The following ANKRD54 variants were observed in gnomAD, a reference collection of about 807,000 sequenced individuals.
The protein encoded by ANKRD54 is ankyrin repeat domain 54.
In ANKRD54, 26 loss-of-function variants were observed where a neutral mutation model predicts 36.2. That is an observed-to-expected ratio of 0.72 (90% CI 0.53 to 1.00). The LOEUF (loss-of-function observed/expected upper bound fraction) is 1.00. ANKRD54 is among the 50% of genes least tolerant of loss of function. The pLI is 0.00. For synonymous variants in ANKRD54, 209 were observed against 188.4 expected, an observed-to-expected ratio of 1.11 and a Z score of -0.89; for missense variants, 384 against 424.3, an observed-to-expected ratio of 0.91 and a Z score of 0.83.
upstream of ANKRD54, among the ~76,000 whole-genome samples, chr22:37,845,913 G>A (rs12162915): frequency 1.2e-4 from 18 of 151,594 alleles, no homozygotes; most frequent in Middle Eastern, 3.5e-3. Context: ...TGTGGCTCAC[G>A]CCTGTAATCC....
At chr22:37,839,320 T>TG in intron 2 of ANKRD54, among the ~76,000 whole-genome samples, 1 of 152,232 alleles carries the variant, frequency 6.6e-6, no homozygotes, top group African/African-American at 2.4e-5. Context: ...GATTAGTTCC[T>TG]TTGCGGACAT....
At chr22:37,834,459 C>G (rs1440604968) in intron 3 of ANKRD54, 1 of 152,002 alleles carries the variant, frequency 6.6e-6, no homozygotes, top group African/African-American at 2.4e-5. Context: ...CTTTGGGATG[C>G]CGAGGCAGGT....
upstream of ANKRD54, chr22:37,848,975 A>C (rs1924992390): frequency 4.7e-6 from 1 of 214,466 alleles, no homozygotes; most frequent in Non-Finnish European, 9.2e-6. Context: ...AGGAAAATTC[A>C]GGCTACTTGT....
chr22:37,836,212 C>A lies in ANKRD54; in HGVS notation c.475+2288G>T, dbSNP rs535006687. Reference sequence around the variant, plus strand: ...CTGTAATCCCAGCGCTATGGGAGGCCGAGGCGGGTGGATCACCTGAGGTCA... The same window carrying A: ...CTGTAATCCCAGCGCTATGGGAGGCAGAGGCGGGTGGATCACCTGAGGTCA... On this transcript the variant is annotated intron_variant, in intron 3 of 7. Transcript: ENST00000215941. Among the ~76,000 whole-genome samples the A allele has an allele frequency of 2.9e-3, 430 of 149,292 alleles. 3 individuals are homozygous for A. The highest frequency in any genetic ancestry group is 4.1e-3 in the Non-Finnish European group (278 of 67,116).
upstream of ANKRD54, among the ~76,000 whole-genome samples, chr22:37,844,587 T>A (rs556658793): frequency 2.6e-5 from 4 of 152,280 alleles, no homozygotes; most frequent in East Asian, 7.7e-4. Context: ...AAAACAGCAT[T>A]TCAGACGCTT....
intron 1 of ANKRD54, among the ~76,000 whole-genome samples, chr22:37,841,632 G>A (rs577849817): frequency 6.6e-6 from 1 of 151,806 alleles, no homozygotes; most frequent in South Asian, 2.1e-4. Flanking sequence ...GGTGGATCAC[G>A]AGGTCAGGAG....
intron 7 of ANKRD54, 129 bp downstream of exon 7, chr22:37,832,508 G>A (rs1246083224): frequency 1.3e-5 from 10 of 773,300 alleles, no homozygotes; most frequent in East Asian, 2.6e-5. Flanking sequence ...GATTACAGGT[G>A]TGAGCCCCTG....
chr22:37,837,415 T>C (rs1923689568), intron 3 of ANKRD54, among the ~76,000 whole-genome samples: 2 of 152,176 alleles, frequency 1.3e-5, no homozygotes, highest in Admixed American at 6.5e-5. Flanking sequence ...TGTCCGTCAA[T>C]AGTAGAATGG....
intron 1 of ANKRD54, among the ~76,000 whole-genome samples, chr22:37,841,557 C>CGCAA (rs1924254104): frequency 6.7e-6 from 1 of 148,486 alleles, no homozygotes; most frequent in Non-Finnish European, 1.5e-5. Context: ...CACACACACA[C>CGCAA]AAAAAACATA....
chr22:37,838,438 C>A (rs558390201), intron 3 of ANKRD54, 62 bp downstream of exon 3: 2 of 1,507,694 alleles, frequency 1.3e-6, no homozygotes, highest in East Asian at 2.4e-5. Context: ...GCGCCTCCCC[C>A]AAGGCCTGTG....
At chr22:37,846,387 C>T (rs1924847499), upstream of ANKRD54, among the ~76,000 whole-genome samples, 1 of 152,126 alleles carries the variant, frequency 6.6e-6, no homozygotes, top group Non-Finnish European at 1.5e-5. Flanking sequence ...GGTGTGATCA[C>T]AGCTCACTGC....
chr22:37,838,870 T>C (rs73411598), intron 2 of ANKRD54, among the ~76,000 whole-genome samples: 7,706 of 152,024 alleles, frequency 0.051, 629 homozygotes, highest in African/African-American at 0.17. Context: ...GGTCAGAAAT[T>C]TTAGGGTCAC....
intron 3 of ANKRD54, among the ~76,000 whole-genome samples, chr22:37,837,480 C>T (rs1315166966): frequency 1.3e-5 from 2 of 152,220 alleles, no homozygotes; most frequent in Non-Finnish European, 2.9e-5. Context: ...GTACTAACTA[C>T]AGTCCACCCT....
Position 37,831,678 on chromosome 22 carries a change from A to G in ANKRD54, c.*265T>C. On this transcript the variant is annotated 3_prime_UTR_variant, in exon 8 of 8. Transcript: ENST00000215941. ...GCGCAGGTCTGCGGAGCTGAAGTGC[A>G]GCTGCAGAGGCTGGTCTGGTGCTGC... 1 of 528,004 alleles carries G rather than the reference A, an allele frequency of 1.9e-6. No homozygotes were observed. Among genetic ancestry groups the G allele is most frequent in the East Asian group, 3.1e-5 (1 of 32,214 alleles). 32.7% of individuals were successfully genotyped at this position (528,004 alleles called of 1,614,324 possible).
chr22:37,845,488 C>T (rs1601743856), upstream of ANKRD54, among the ~76,000 whole-genome samples: 1 of 152,240 alleles, frequency 6.6e-6, no homozygotes, highest in African/African-American at 2.4e-5. Context: ...AGGGAAGAGA[C>T]TCATTCACAG....
chr22:37,847,280 A>G (rs1924891658), upstream of ANKRD54, among the ~76,000 whole-genome samples: 1 of 151,396 alleles, frequency 6.6e-6, no homozygotes. Flanking sequence ...CTCCTGCCTC[A>G]GCCTCCCGAG....
In ANKRD54 at chr22:37,831,920, A is replaced by G. The variant is rs1177345543; in HGVS notation, c.*23T>C. ...CAGTGGGGCAGGGTGGGGCAGTGGC[A>G]GGAAGGCAGGGAGCCTCTCTTGCTA... On this transcript the variant is annotated 3_prime_UTR_variant, in exon 8 of 8. Transcript: ENST00000215941. 1.3e-5 allele frequency: 21 copies of G among 1,611,460 alleles called. No homozygotes were observed. Among genetic ancestry groups the G allele is most frequent in the Non-Finnish European group, 1.6e-5 (19 of 1,178,876 alleles).
At chr22:37,840,438 AGTC>A (rs1359284161) in intron 1 of ANKRD54, among the ~76,000 whole-genome samples, 6 of 152,140 alleles carry the variant, frequency 3.9e-5, no homozygotes, top group Admixed American at 3.9e-4. Context: ...AGGTGCCTGT[AGTC>A]CCAGCTACTC....
Position 37,831,423 on chromosome 22 carries a change from G to T in ANKRD54, c.*520C>A. 1 of 155,194 alleles carries T rather than the reference G, an allele frequency of 6.4e-6. No homozygotes were observed. The allele number at this position is 155,194 out of a possible 1,614,324, so 9.6% of individuals were successfully genotyped here. ...CACCAACCCTCCCCTTCCAACCAGA[G>T]AAACTCACTGCAGTATCTCCTTGAA... On this transcript the variant is annotated 3_prime_UTR_variant, in exon 8 of 8. Transcript: ENST00000215941.
Sources: allele counts gnomAD v4.1 joint callset (sites outside exome capture counted in the v4.1 genomes callset), GRCh38; gene constraint gnomAD v4.1.1; transcripts MANE v1.5; gene names NCBI Gene and HGNC (gene_info 2026-07-23, HGNC 2026-07-21).